Variants in WDFY4 observed in about 807,000 individuals in gnomAD.
WDFY4 encodes WD repeat- and FYVE domain-containing protein 4.
In WDFY4, 169 loss-of-function variants were observed where a neutral mutation model predicts 351.9. The ratio of observed to expected loss-of-function variants is 0.48; its 90% confidence interval spans 0.42 to 0.55. The LOEUF is 0.55. Among genes scored for constraint, WDFY4 ranks in the 20% least tolerant of loss-of-function variants. The pLI is 0.00. For synonymous variants in WDFY4, 1,622 were observed against 1,574.6 expected, an observed-to-expected ratio of 1.03 and a Z score of -0.71; for missense variants, 3,803 against 3,935.6, an observed-to-expected ratio of 0.97 and a Z score of 0.90.
chr10:48,731,611 G>A (rs949783448), intron 9 of WDFY4, 49 bp downstream of exon 9: 30 of 1,509,488 alleles, frequency 2.0e-5, no homozygotes, highest in East Asian at 7.4e-5. Flanking sequence ...GTGTCAGCCA[G>A]GCCTGACCTT....
At chr10:48,915,923 A>G (rs748830833) in intron 47 of WDFY4, among the ~76,000 whole-genome samples, 29 of 152,180 alleles carry the variant, frequency 1.9e-4, no homozygotes, top group Non-Finnish European at 4.0e-4. Context: ...CACCATGTTC[A>G]CCAATACTGA....
At chr10:48,896,453 G>T (rs1031964365) in intron 44 of WDFY4, among the ~76,000 whole-genome samples, 1 of 152,110 alleles carries the variant, frequency 6.6e-6, no homozygotes, top group Non-Finnish European at 1.5e-5. Flanking sequence ...ACAGGCCAAG[G>T]GTCCTGAAGA....
At chr10:48,777,634 C>T (rs1193179067) in intron 17 of WDFY4, 139 bp downstream of exon 17, 20 of 849,578 alleles carry the variant, frequency 2.4e-5, no homozygotes, top group Non-Finnish European at 3.4e-5. Context: ...ACCTGTAATA[C>T]TGCAATTTGG....
At chr10:48,842,273 G>A (rs913428516) in intron 39 of WDFY4, among the ~76,000 whole-genome samples, 12 of 151,832 alleles carry the variant, frequency 7.9e-5, no homozygotes, top group African/African-American at 2.2e-4. Flanking sequence ...ATGTGGGTGC[G>A]GGAAGCTATC....
intron 2 of WDFY4, among the ~76,000 whole-genome samples, chr10:48,715,694 C>T (rs544643087): frequency 2.0e-5 from 3 of 152,178 alleles, no homozygotes; most frequent in South Asian, 2.1e-4. Flanking sequence ...GGCCCGATCT[C>T]GGCTCACTGC....
At chr10:48,843,977 G>A (rs1047876743) in intron 39 of WDFY4, among the ~76,000 whole-genome samples, 10 of 152,234 alleles carry the variant, frequency 6.6e-5, no homozygotes, top group East Asian at 1.9e-4. Flanking sequence ...GCAGATGGCC[G>A]TGGAGGGGAG....
chr10:48,904,151 TC>T (rs1209591171), intron 47 of WDFY4, among the ~76,000 whole-genome samples: 1 of 152,194 alleles, frequency 6.6e-6, no homozygotes, highest in East Asian at 1.9e-4. Context: ...CAGCAGAGGC[TC>T]CTATTGTGCC....
chr10:48,813,860 C>T (rs1408841333), intron 30 of WDFY4, 97 bp from the exon 31 acceptor site: 12 of 1,353,162 alleles, frequency 8.9e-6, no homozygotes, highest in Non-Finnish European at 1.1e-5. Flanking sequence ...TTGCTTTTCC[C>T]ACTGGGAACC....
At chr10:48,873,432 CAGGCCCATA>C (rs1221471119) in intron 40 of WDFY4, 50 bp from the exon 41 acceptor site, 6 of 1,471,746 alleles carry the variant, frequency 4.1e-6, no homozygotes, top group South Asian at 2.9e-5. Flanking sequence ...GGTTTGGGGC[CAGGCCCATA>C]AGGCCCATAA....
chr10:48,729,303 A>C lies in WDFY4; in HGVS notation c.972-129A>C, dbSNP rs1289376948. 1.1e-5 allele frequency: 15 copies of C among 1,350,364 alleles called. No individual in the cohort carries two copies. The Admixed American group carries it at 3.8e-4, about 34-fold the overall frequency. The allele number at this position is 1,350,364 out of a possible 1,614,324, so 83.6% of individuals were successfully genotyped here. ...CGCTCCCTTGCCTCTGAATTGCCTC[A>C]GGTGCAGACCTGTGGGGTCTTCCCC... On this transcript the variant is annotated intron_variant, in intron 7 of 61. Coordinates refer to ENST00000325239, the MANE Select transcript of WDFY4 (RefSeq NM_001394531.1).
At position 48,888,861 on chromosome 10, in the gene WDFY4, C is replaced by T. The variant is rs532066522; in HGVS notation, c.7168-1718C>T. 1.9e-3 allele frequency among the ~76,000 whole-genome samples: 285 copies of T among 152,296 alleles called. 1 individual carries two copies. The highest frequency in any genetic ancestry group is 3.6e-3 in the Non-Finnish European group (244 of 68,036). On this transcript the variant is annotated intron_variant, in intron 43 of 61. Transcript: ENST00000325239. The stretch of plus-strand genomic sequence containing the variant: ...GTGTTCTCGCCAAGTTTCTCCCTGC[C>T]TTTGTCATGATCACTCTGGTTTTTC...
rs1842470012 is a variant in WDFY4 at position 48,974,519 on chromosome 10, A to AAAAAAAACAAC, written c.8929-336_8929-335insCAACAAAAAAA. Among the ~76,000 whole-genome samples, 4 of 49,924 alleles carry AAAAAAAACAAC rather than the reference A, an allele frequency of 8.0e-5. 2 individuals carry two copies. Among genetic ancestry groups the AAAAAAAACAAC allele is most frequent in the Non-Finnish European group, 7.2e-5 (2 of 27,748 alleles). The allele number at this position is 49,924 out of a possible 152,430, so 32.8% of individuals were successfully genotyped here. A position where few individuals can be genotyped will look rare whatever the true frequency, so the allele number is the denominator to read the frequency against. Reference sequence around the variant, plus strand: ...CTCCGTCTCAAAAAAAAAAAAAAAAAAAAAAAAAAACAACTCATGACATGA... The same window carrying AAAAAAAACAAC: ...CTCCGTCTCAAAAAAAAAAAAAAAAAAAAAAAACAACAAAAAAAAAACAACTCATGACATGA... On this transcript the variant is annotated intron_variant, in intron 57 of 61. Coordinates refer to ENST00000325239, the MANE Select transcript of WDFY4 (RefSeq NM_001394531.1).
chr10:48,967,697 G>T (rs1166040761), intron 55 of WDFY4: 1 of 152,356 alleles, frequency 6.6e-6, no homozygotes, highest in African/African-American at 2.4e-5. Flanking sequence ...CAGAAGAGAG[G>T]GTGAGGCTGG....
chr10:48,977,162 A>T (rs1842604318), intron 59 of WDFY4, 183 bp downstream of exon 59: 2 of 443,040 alleles, frequency 4.5e-6, no homozygotes, highest in Admixed American at 4.3e-5. Flanking sequence ...AAATAAAATT[A>T]TATATATAGT....
At chr10:48,972,516 G>A (rs763243885) in intron 57 of WDFY4, among the ~76,000 whole-genome samples, 6 of 151,890 alleles carry the variant, frequency 4.0e-5, no homozygotes, top group African/African-American at 1.5e-4. Flanking sequence ...CATTTCAATC[G>A]TTCCATATCA....
At chr10:48,908,336 C>T (rs781459839) in intron 47 of WDFY4, among the ~76,000 whole-genome samples, 3 of 152,236 alleles carry the variant, frequency 2.0e-5, no homozygotes, top group African/African-American at 7.2e-5. Context: ...TCCTAGTTGC[C>T]CCCTGTGCCC....
In WDFY4 at chr10:48,867,320, C is replaced by T. The variant is rs1238035350; in HGVS notation, c.6719C>T (p.Ser2240Phe). ...YRRRGQELYA[S>F]LYKDHVQRRK... is the part of the protein sequence containing the mutation. ...AGAAGAGGACAAGAGCTATATGCAT[C>T]TTTATACAAAGACCATGTGCAAGTA... The change falls in exon 40 of 62, where the codon TCT (serine) becomes TTT (phenylalanine). Residue 2240 changes from serine (S) to phenylalanine (F), a missense_variant. Ser to Phe is a radical substitution (Grantham distance 155). Transcript: ENST00000325239. The T allele has an allele frequency of 9.3e-6, 14 of 1,503,454 alleles. No homozygotes were observed. The highest frequency in any genetic ancestry group is 4.4e-5 in the Admixed American group (2 of 45,930). 93.1% of individuals were successfully genotyped at this position (1,503,454 alleles called of 1,614,324 possible).
chr10:48,975,206 G>T, intron 58 of WDFY4, 165 bp downstream of exon 58: 1 of 882,708 alleles, frequency 1.1e-6, no homozygotes, highest in Non-Finnish European at 1.8e-6. Flanking sequence ...GTAGCACCCA[G>T]GTCTAGCTTC....
rs1469130577 is a variant in WDFY4, at chr10:48,778,631, C to T, written c.3196C>T (p.Pro1066Ser). The stretch of plus-strand genomic sequence containing the variant: ...CCCAGGTGCCACCAGACCGTTCCCT[C>T]CTCCTGGAGGTCTGACCTTCTCCTG... ...IGTGATRPFP[P>S]PGGLTFSCWF... Residue 1066 changes from proline to serine, a missense_variant, in exon 18 of 62, where the codon CCT becomes TCT. Pro to Ser is a moderately conservative substitution (Grantham distance 74). Coordinates refer to ENST00000325239, the MANE Select transcript of WDFY4 (RefSeq NM_001394531.1). 8 of 1,551,272 alleles carry T rather than the reference C, an allele frequency of 5.2e-6. No homozygotes were observed. The highest frequency in any genetic ancestry group is 2.4e-5 in the South Asian group (2 of 84,052).
Sources: allele counts gnomAD v4.1 joint callset (sites outside exome capture counted in the v4.1 genomes callset), GRCh38; gene constraint gnomAD v4.1.1; transcripts MANE v1.5; gene names NCBI Gene and HGNC (gene_info 2026-07-23, HGNC 2026-07-21).